The following APOLD1 variants were observed in gnomAD, a reference collection of about 807,000 sequenced individuals.
APOLD1 encodes the protein apolipoprotein L domain-containing protein 1.
A neutral mutation model predicts 15.3 loss-of-function variants in APOLD1; 22 were observed. That is an observed-to-expected ratio of 1.44 (90% CI 1.03 to 2.05). APOLD1 has a LOEUF of 2.05. Among genes scored for constraint, APOLD1 ranks in the 30% most tolerant of loss-of-function variants. The pLI, the probability that APOLD1 is intolerant of heterozygous loss-of-function variation, is 0.00. For synonymous variants in APOLD1, 190 were observed against 167.4 expected, an observed-to-expected ratio of 1.13 and a Z score of -1.04; for missense variants, 394 against 353.5, an observed-to-expected ratio of 1.11 and a Z score of -0.92.
At chr12:12,735,997 C>A (rs1946681973) in intron 1 of APOLD1, among the ~76,000 whole-genome samples, 1 of 152,008 alleles carries the variant, frequency 6.6e-6, no homozygotes, top group Non-Finnish European at 1.5e-5. Context: ...CTTTGAGAAG[C>A]TGAGGCAGGT....
At chr12:12,766,604 G>T (rs1946944121) in intron 1 of APOLD1, among the ~76,000 whole-genome samples, 2 of 152,168 alleles carry the variant, frequency 1.3e-5, no homozygotes, top group Non-Finnish European at 2.9e-5. Context: ...AGCACTTTGA[G>T]AGGCTGAGGT....
At chr12:12,731,670 A>G (rs1946642786) in intron 1 of APOLD1, among the ~76,000 whole-genome samples, 1 of 152,260 alleles carries the variant, frequency 6.6e-6, no homozygotes, top group Admixed American at 6.5e-5. Flanking sequence ...ATAAATGAAA[A>G]CATGCTCAAT....
chr12:12,749,129 C>T (rs1946787926), intron 1 of APOLD1, among the ~76,000 whole-genome samples: 1 of 152,030 alleles, frequency 6.6e-6, no homozygotes, highest in Non-Finnish European at 1.5e-5. Context: ...CTGCAACAGT[C>T]TTTGGGCACC....
chr12:12,743,032 G>A (rs758288279), intron 1 of APOLD1, among the ~76,000 whole-genome samples: 29 of 152,194 alleles, frequency 1.9e-4, no homozygotes, highest in Non-Finnish European at 3.4e-4. Context: ...GATTACAGGC[G>A]TGAGCCACCG....
chr12:12,737,142 G>A (rs1226320442), intron 1 of APOLD1, among the ~76,000 whole-genome samples: 5 of 152,112 alleles, frequency 3.3e-5, no homozygotes, highest in Non-Finnish European at 7.4e-5. Context: ...AGTATTCGAA[G>A]ATGTTTTGGC....
At chr12:12,736,599 C>T (rs1372624712) in intron 1 of APOLD1, among the ~76,000 whole-genome samples, 1 of 152,176 alleles carries the variant, frequency 6.6e-6, no homozygotes. Flanking sequence ...TGTTTCCTCA[C>T]TTTATCTAAT....
At position 12,787,521 on chromosome 12, in the gene APOLD1, C is replaced by A; in HGVS notation, c.616C>A (p.Leu206Met). 2.5e-6 allele frequency: 4 copies of A among 1,614,018 alleles called. No individual in the cohort carries two copies. Among genetic ancestry groups the A allele is most frequent in the Non-Finnish European group, 3.4e-6 (4 of 1,180,048 alleles). The part of the protein sequence containing the change: ...KAKIQKLAES[L>M]ESCTGALDEL... ...CAAGATTCAGAAACTGGCCGAGAGC[C>A]TGGAGTCCTGCACCGGGGCTCTGGA... The change falls in exon 2 of 2, where the codon CTG becomes ATG. Residue 206 changes from leucine to methionine, a missense_variant. By Grantham distance (15) the Leu-to-Met change is conservative (BLOSUM62 2). Coordinates refer to ENST00000356591, the MANE Select transcript of APOLD1 (RefSeq NM_030817.3). The surrounding 1 kb of genome is among the most constrained non-coding windows in gnomAD (Gnocchi z 4.9).
intron 1 of APOLD1, among the ~76,000 whole-genome samples, chr12:12,755,045 C>CAAAAAAAAAAAAAAAAAAAA: frequency 6.6e-6 from 1 of 151,086 alleles, no homozygotes; most frequent in Non-Finnish European, 1.5e-5. Context: ...GGCCCTCTCT[C>CAAAAAAAAAAAAAAAAAAAA]AAAAAAACAA....
chr12:12,787,515 G>C lies in APOLD1; in HGVS notation c.610G>C (p.Glu204Gln). ...GAAGGCCAAGATTCAGAAACTGGCC[G>C]AGAGCCTGGAGTCCTGCACCGGGGC... is the stretch of plus-strand genomic sequence containing the variant. ...VLKAKIQKLAESLESCTGALD... is the reference protein window; with the variant it reads ...VLKAKIQKLAQSLESCTGALD... The change falls in exon 2 of 2, where the codon GAG (glutamate) becomes CAG (glutamine). Residue 204 changes from glutamate to glutamine, a missense_variant. Transcript: ENST00000356591. The surrounding 1 kb of genome is among the most constrained non-coding windows in gnomAD (Gnocchi z 4.9). 6.2e-7 allele frequency: 1 copy of C among 1,614,036 alleles called. No individual in the cohort carries two copies. Among genetic ancestry groups the C allele is most frequent in the South Asian group, 1.1e-5 (1 of 91,090 alleles).
chr12:12,729,921 G>A (rs909448534), intron 1 of APOLD1, among the ~76,000 whole-genome samples: 1 of 151,818 alleles, frequency 6.6e-6, no homozygotes, highest in Non-Finnish European at 1.5e-5. Flanking sequence ...AGGCTGGAGT[G>A]CAATGACTCA....
At chr12:12,767,074 C>T (rs1946947717) in intron 1 of APOLD1, among the ~76,000 whole-genome samples, 1 of 151,236 alleles carries the variant, frequency 6.6e-6, no homozygotes, top group African/African-American at 2.4e-5. Flanking sequence ...GGTGAAACCT[C>T]ATCTCTATTA....
chr12:12,746,422 G>T (rs1229167326), intron 1 of APOLD1, among the ~76,000 whole-genome samples: 1 of 152,108 alleles, frequency 6.6e-6, no homozygotes, highest in African/African-American at 2.4e-5. Context: ...CTTGAACCTG[G>T]GAGACGGAGG....
chr12:12,781,614 A>G (rs1328509469), upstream of APOLD1, among the ~76,000 whole-genome samples: 1 of 141,160 alleles, frequency 7.1e-6, no homozygotes, highest in Non-Finnish European at 1.5e-5. Context: ...TGCAAGCTCC[A>G]CCTCCCGAGT....
chr12:12,781,908 C>G (rs1487674414), upstream of APOLD1, among the ~76,000 whole-genome samples: 1 of 152,012 alleles, frequency 6.6e-6, no homozygotes, highest in Non-Finnish European at 1.5e-5. Flanking sequence ...CACCTCCTAA[C>G]ATAGTCCTTT....
At chr12:12,786,634 C>T (rs911434310) in intron 1 of APOLD1, 1 of 984,422 alleles carries the variant, frequency 1.0e-6, no homozygotes, top group African/African-American at 1.7e-5. Context: ...TGAAGCCCAT[C>T]GTTAACGTTC....
chr12:12,756,808 A>G (rs545259466), intron 1 of APOLD1, among the ~76,000 whole-genome samples: 114 of 151,480 alleles, frequency 7.5e-4, no homozygotes, highest in African/African-American at 2.7e-3. Context: ...TTTTTTTGAG[A>G]TAGAGTCTTG....
At position 12,787,883 on chromosome 12, in the gene APOLD1, G is replaced by C; in HGVS notation, c.*231G>C. ...TTCAGTCTTCCTAGTGGAAAAATGT[G>C]ACCCAAAAACTCTTTTTCCTTTATC... On this transcript the variant is annotated 3_prime_UTR_variant, in exon 2 of 2. Transcript: ENST00000356591. This position sits in a 1 kb window ranked among gnomAD's most constrained non-coding sequence, Gnocchi z 4.9. The C allele has an allele frequency of 1.8e-6, 1 of 565,552 alleles. No individual in the cohort carries two copies. Among genetic ancestry groups the C allele is most frequent in the Non-Finnish European group, 2.9e-6 (1 of 341,382 alleles). The allele number at this position is 565,552 out of a possible 1,614,324, so 35.0% of individuals were successfully genotyped here. A position where few individuals can be genotyped will look rare whatever the true frequency, so the allele number is the denominator to read the frequency against.
chr12:12,771,631 T>G (rs1946987897), intron 1 of APOLD1: 3 of 500,678 alleles, frequency 6.0e-6, no homozygotes, highest in Non-Finnish European at 3.9e-6. Context: ...ATTTTCTGCT[T>G]GCTATTGTCA....
At chr12:12,781,683 A>G (rs537222173), upstream of APOLD1, among the ~76,000 whole-genome samples, 680 of 151,380 alleles carry the variant, frequency 4.5e-3, 7 homozygotes, top group African/African-American at 0.015. Flanking sequence ...GCCTGCCACC[A>G]TGCCCGGCTA....
Sources: gnomAD v4.1 joint callset for allele counts (sites outside exome capture counted in the v4.1 genomes callset) on GRCh38, gnomAD v4.1.1 for gene constraint, Gnocchi (gnomAD v3.1) non-coding constraint, MANE v1.5 for transcripts, NCBI Gene and HGNC (gene_info 2026-07-23, HGNC 2026-07-21) for gene names.